Variants in LMBR1 observed in about 807,000 individuals in gnomAD.
LMBR1 encodes the protein limb region 1 protein homolog.
LMBR1 carries 52 observed loss-of-function variants against 73.9 expected under a neutral mutation model. The ratio of observed to expected loss-of-function variants is 0.70; its 90% CI spans 0.56 to 0.89. The LOEUF (loss-of-function observed/expected upper bound fraction) is 0.89. Ranked by LOEUF, LMBR1 falls within the 40% of genes least tolerant of loss-of-function variation. LMBR1 has a pLI of 0.00. For missense variants in LMBR1, 539 were observed against 579.8 expected (o/e 0.93, Z 0.72); for synonymous variants, 215 against 209.4 (o/e 1.03, Z -0.23).
chr7:156,862,414 T>C (rs952249492), intron 1 of LMBR1, among the ~76,000 whole-genome samples: 6 of 151,642 alleles, frequency 4.0e-5, no homozygotes, highest in African/African-American at 1.5e-4. Context: ...TGAGATTTGG[T>C]GGGGGACACA....
intron 15 of LMBR1, among the ~76,000 whole-genome samples, chr7:156,715,968 G>GT (rs1187717104): frequency 2.6e-5 from 4 of 152,176 alleles, no homozygotes; most frequent in African/African-American, 9.7e-5. Flanking sequence ...GACAAATGGA[G>GT]TATCTTAGTT....
At chr7:156,748,787 C>A (rs1432392277) in intron 9 of LMBR1, among the ~76,000 whole-genome samples, 1 of 152,084 alleles carries the variant, frequency 6.6e-6, no homozygotes, top group African/African-American at 2.4e-5. Flanking sequence ...CTGCACCCAG[C>A]CAATTTGGAT....
chr7:156,720,920 T>A (rs1284719953), intron 15 of LMBR1, among the ~76,000 whole-genome samples: 1 of 151,932 alleles, frequency 6.6e-6, no homozygotes, highest in Non-Finnish European at 1.5e-5. Flanking sequence ...AGGGTACAGA[T>A]AAATAGGGAT....
intron 15 of LMBR1, among the ~76,000 whole-genome samples, chr7:156,698,339 C>A (rs952940987): frequency 8.5e-5 from 13 of 152,160 alleles, no homozygotes; most frequent in African/African-American, 3.1e-4. Context: ...AGATGGTGGC[C>A]CTCTTCTCAC....
In LMBR1 at chr7:156,804,085, T is replaced by A. The variant is rs548682425; in HGVS notation, c.320-7593A>T. On this transcript the variant is annotated intron_variant, in intron 4 of 16. Transcript: ENST00000353442. The stretch of plus-strand genomic sequence containing the variant: ...GTGCAGCACACCAACATGGCACATG[T>A]ATACATATGTAACAAGCCTGCACGT... Among the ~76,000 whole-genome samples, 15 of 152,116 alleles carry A rather than the reference T, an allele frequency of 9.9e-5. No individual in the cohort carries two copies. The South Asian group carries it at 3.1e-3, about 32-fold the overall frequency.
chr7:156,827,222 C>T (rs1835854281), intron 3 of LMBR1, among the ~76,000 whole-genome samples: 2 of 151,810 alleles, frequency 1.3e-5, no homozygotes. Flanking sequence ...AAGCCATTGG[C>T]CTGACATCTT....
Position 156,842,207 on chromosome 7 carries a change from C to T in LMBR1, c.67-5322G>A, listed in dbSNP as rs547343864. The stretch of plus-strand genomic sequence containing the variant: ...CAGGGTAATAAGGAATCAGAGAGAC[C>T]GATGGGGTTGAGGAGTAATTATTTA... On this transcript the variant is annotated intron_variant, in intron 1 of 16. Transcript: ENST00000353442. Among the ~76,000 whole-genome samples, 298 of 150,280 alleles carry T rather than the reference C, an allele frequency of 2.0e-3. 7 individuals are homozygous for T. The highest frequency in any genetic ancestry group is 8.7e-3 in the South Asian group (41 of 4,716).
intron 4 of LMBR1, among the ~76,000 whole-genome samples, chr7:156,671,073 T>C (rs1802381378): frequency 6.6e-6 from 1 of 152,218 alleles, no homozygotes; most frequent in African/African-American, 2.4e-5. Flanking sequence ...ACCTTAATAA[T>C]GTAAGTATGC....
intron 1 of LMBR1, among the ~76,000 whole-genome samples, chr7:156,853,795 A>G (rs1049700691): frequency 6.6e-6 from 1 of 152,060 alleles, no homozygotes; most frequent in Admixed American, 6.6e-5. Context: ...AGCTGGGATT[A>G]CAGGCACCTG....
chr7:156,776,503 T>A (rs1245318618), intron 5 of LMBR1, among the ~76,000 whole-genome samples: 3 of 152,100 alleles, frequency 2.0e-5, no homozygotes, highest in African/African-American at 7.2e-5. Context: ...TTCCACCATC[T>A]CTCAGGATCA....
At chr7:156,672,624 G>A (rs1802797816) in intron 4 of LMBR1, among the ~76,000 whole-genome samples, 1 of 152,236 alleles carries the variant, frequency 6.6e-6, no homozygotes, top group Non-Finnish European at 1.5e-5. Context: ...CAGGACAGCT[G>A]GGATTGCTCC....
At chr7:156,818,469 C>T (rs1345328889) in intron 4 of LMBR1, among the ~76,000 whole-genome samples, 1 of 152,186 alleles carries the variant, frequency 6.6e-6, no homozygotes. Context: ...AAAAATCACT[C>T]AAAAACTGAA....
intron 15 of LMBR1, among the ~76,000 whole-genome samples, chr7:156,692,725 A>C (rs1331359896): frequency 6.6e-6 from 1 of 152,170 alleles, no homozygotes; most frequent in African/African-American, 2.4e-5. Flanking sequence ...CTTGGAGCAT[A>C]AGGATGACAC....
intron 1 of LMBR1, among the ~76,000 whole-genome samples, chr7:156,848,772 A>T (rs936380744): frequency 2.6e-5 from 4 of 152,068 alleles, no homozygotes; most frequent in African/African-American, 9.7e-5. Flanking sequence ...CTCTACTAAA[A>T]ATACAAAGAT....
At chr7:156,870,114 T>C (rs563422708) in intron 1 of LMBR1, among the ~76,000 whole-genome samples, 3 of 152,280 alleles carry the variant, frequency 2.0e-5, no homozygotes, top group African/African-American at 4.8e-5. Context: ...AGAATAACGA[T>C]TGGAGACTTC....
At chr7:156,697,740 C>T (rs1376329544) in intron 15 of LMBR1, among the ~76,000 whole-genome samples, 1 of 152,218 alleles carries the variant, frequency 6.6e-6, no homozygotes, top group East Asian at 1.9e-4. Context: ...TTATTCTATT[C>T]TTTTTCAAGG....
intron 4 of LMBR1, among the ~76,000 whole-genome samples, chr7:156,803,485 T>TA (rs1563400846): frequency 6.6e-6 from 1 of 152,032 alleles, no homozygotes; most frequent in South Asian, 2.1e-4. Flanking sequence ...TGGCGATCAT[T>TA]AAAAAGTCAG....
At chr7:156,756,815 A>ATTGT (rs749565050) in intron 8 of LMBR1, among the ~76,000 whole-genome samples, 16 of 152,052 alleles carry the variant, frequency 1.1e-4, no homozygotes, top group East Asian at 1.9e-4. Flanking sequence ...TTTTTTTATT[A>ATTGT]TTGTTTGTTT....
At chr7:156,771,267 A>T (rs938521376) in intron 5 of LMBR1, among the ~76,000 whole-genome samples, 5 of 142,706 alleles carry the variant, frequency 3.5e-5, no homozygotes, top group Non-Finnish European at 8.1e-5. Context: ...GAAAAACCAT[A>T]TGAAAGATCA....
Sources: gnomAD v4.1 joint callset for allele counts (sites outside exome capture counted in the v4.1 genomes callset) on GRCh38, gnomAD v4.1.1 for gene constraint, MANE v1.5 for transcripts, NCBI Gene and HGNC (gene_info 2026-07-23, HGNC 2026-07-21) for gene names.